The following FOLH1 variants were observed in gnomAD, a reference collection of about 807,000 sequenced individuals.
The protein encoded by FOLH1 is folate hydrolase 1.
FOLH1 carries 54 observed loss-of-function variants against 93.9 expected under a neutral mutation model. That is an observed-to-expected ratio of 0.57 (90% CI 0.46 to 0.72). The LOEUF (loss-of-function observed/expected upper bound fraction) is 0.72, where lower values mean the gene tolerates loss of function less well. Ranked by LOEUF, FOLH1 falls within the 30% of genes least tolerant of loss-of-function variation. The pLI is 0.00. For missense variants in FOLH1, 571 were observed against 892.5 expected, an observed-to-expected ratio of 0.64 and a Z score of 4.59; for synonymous variants, 249 against 303.6, an observed-to-expected ratio of 0.82 and a Z score of 1.87.
At chr11:49,161,813 G>T (rs1358026253) in intron 13 of FOLH1, among the ~76,000 whole-genome samples, 1 of 152,168 alleles carries the variant, frequency 6.6e-6, no homozygotes, top group African/African-American at 2.4e-5. Context: ...TGTTAAGACA[G>T]GTCTGGTGGT....
intron 6 of FOLH1, among the ~76,000 whole-genome samples, chr11:49,183,517 T>C (rs1861029192): frequency 1.3e-5 from 2 of 152,122 alleles, no homozygotes; most frequent in Non-Finnish European, 2.9e-5. Flanking sequence ...ATTCCACTCC[T>C]GGGTACTCTA....
intron 17 of FOLH1, among the ~76,000 whole-genome samples, chr11:49,151,922 TGAAAA>T (rs948080970): frequency 1.3e-5 from 2 of 152,160 alleles, no homozygotes; most frequent in Non-Finnish European, 2.9e-5. Context: ...TATAAAGAAT[TGAAAA>T]GAATAGGAAA....
chr11:49,199,847 G>A (rs1268385440), intron 3 of FOLH1, among the ~76,000 whole-genome samples: 3 of 151,834 alleles, frequency 2.0e-5, no homozygotes, highest in Non-Finnish European at 2.9e-5. Flanking sequence ...GGAGGTGGAG[G>A]TTGCAGTGAG....
chr11:49,205,125 A>G (rs1009638244), intron 2 of FOLH1, among the ~76,000 whole-genome samples: 2 of 152,080 alleles, frequency 1.3e-5, no homozygotes. Flanking sequence ...AATCGCTTGT[A>G]CCTGGGAGGC....
In FOLH1 at chr11:49,183,227, C is replaced by T. The variant is rs116795343; in HGVS notation, c.842G>A (p.Arg281His). 3.8e-5 allele frequency: 61 copies of T among 1,610,274 alleles called. 1 individual carries two copies. Among genetic ancestry groups the T allele is most frequent in the East Asian group, 8.9e-5 (4 of 44,808 alleles). ...AAGACCAACAGCCTCTGCAATTCCA[C>T]GCCTATAAGCATATTCTGAAAAAAA... is the stretch of plus-strand genomic sequence containing the variant. ...GYPANEYAYR[R>H]GIAEAVGLPS... The change falls in exon 7 of 19, where the codon CGT becomes CAT. Residue 281 changes from arginine (R) to histidine (H), a missense_variant. Physicochemically the swap from Arg to His is conservative, Grantham distance 29 (BLOSUM62 0). Transcript: ENST00000256999.
chr11:49,208,534 T>G lies in FOLH1; in HGVS notation c.-125A>C. The G allele has an allele frequency of 3.1e-6, 2 of 635,104 alleles. No homozygotes were observed. Among genetic ancestry groups the G allele is most frequent in the South Asian group, 4.6e-5 (2 of 43,674 alleles). The allele number at this position is 635,104 out of a possible 1,614,324, so 39.3% of individuals were successfully genotyped here. A position where few individuals can be genotyped will look rare whatever the true frequency, so the allele number is the denominator to read the frequency against. ...TCACTAATGCCTCGCTTATCAGCCC[T>G]GCAGGCTGGAATTCGCTCCAGACCT... On this transcript the variant is annotated 5_prime_UTR_variant, in exon 1 of 19. Transcript: ENST00000256999.
At chr11:49,191,628 T>C (rs1862054315) in intron 4 of FOLH1, among the ~76,000 whole-genome samples, 1 of 152,202 alleles carries the variant, frequency 6.6e-6, no homozygotes, top group South Asian at 2.1e-4. Context: ...CTAATCTAGG[T>C]GTAATTTTCT....
chr11:49,153,586 G>T (rs1017683903), intron 17 of FOLH1, among the ~76,000 whole-genome samples: 1 of 152,118 alleles, frequency 6.6e-6, no homozygotes, highest in African/African-American at 2.4e-5. Flanking sequence ...TCGAAAGTAG[G>T]TCTTTTGAGA....
chr11:49,149,565 GT>G lies in FOLH1; in HGVS notation c.1971-835del, dbSNP rs367886729. On this transcript the variant is annotated intron_variant, in intron 17 of 18. Transcript: ENST00000256999. ...CTAGTAGTCCAAATGGAATGTAACAGTTTTTTTTTAAGTTTCTATAATTCTC... is the reference window on the plus strand; with the variant it reads ...CTAGTAGTCCAAATGGAATGTAACAGTTTTTTTTAAGTTTCTATAATTCTC... 4.0e-3 allele frequency among the ~76,000 whole-genome samples: 600 copies of G among 151,510 alleles called. 5 individuals carry two copies. Among genetic ancestry groups the G allele is most frequent in the African/African-American group, 0.014 (568 of 41,306 alleles).
intron 7 of FOLH1, among the ~76,000 whole-genome samples, chr11:49,178,548 T>C (rs1590582344): frequency 6.6e-6 from 1 of 152,128 alleles, no homozygotes; most frequent in South Asian, 2.1e-4. Context: ...GAATCTAATA[T>C]ACCAATGAAA....
intron 13 of FOLH1, chr11:49,162,791 T>G (rs1263734146): frequency 7.0e-6 from 1 of 143,722 alleles, no homozygotes; most frequent in African/African-American, 2.5e-5. Flanking sequence ...TTTTCTTTTC[T>G]TTTTTTTTTT....
chr11:49,159,166 T>A (rs1857358216), intron 13 of FOLH1, among the ~76,000 whole-genome samples: 1 of 152,206 alleles, frequency 6.6e-6, no homozygotes, highest in Non-Finnish European at 1.5e-5. Flanking sequence ...TCCAATACTA[T>A]GTTGAATAGG....
intron 18 of FOLH1, among the ~76,000 whole-genome samples, 172 bp from the exon 19 acceptor site, chr11:49,147,117 G>C (rs1565120126): frequency 6.6e-6 from 1 of 152,108 alleles, no homozygotes; most frequent in Admixed American, 6.6e-5. Flanking sequence ...GAAATCTATA[G>C]TAATTAATTA....
At position 49,172,545 on chromosome 11, in the gene FOLH1, C is replaced by A. The variant is rs192083605; in HGVS notation, c.1225+812G>T. Among the ~76,000 whole-genome samples the A allele has an allele frequency of 1.5e-3, 235 of 152,090 alleles. 2 individuals carry two copies. Among genetic ancestry groups the A allele is most frequent in the Non-Finnish European group, 2.5e-3 (173 of 67,974 alleles). On this transcript the variant is annotated intron_variant, in intron 10 of 18. Transcript: ENST00000256999. Reference sequence around the variant, plus strand: ...AACATGAGAAGATAAGTAAATATGTCTTCTCCCTAGTTGCTATGACTTCAA... The same window carrying A: ...AACATGAGAAGATAAGTAAATATGTATTCTCCCTAGTTGCTATGACTTCAA...
intron 1 of FOLH1, among the ~76,000 whole-genome samples, chr11:49,207,179 C>G (rs530899255): frequency 2.0e-5 from 3 of 150,752 alleles, no homozygotes; most frequent in African/African-American, 7.3e-5. Flanking sequence ...GAAAAATGAA[C>G]AGGATGAAGA....
chr11:49,187,536 T>C (rs1404738442), intron 4 of FOLH1, among the ~76,000 whole-genome samples: 1 of 151,916 alleles, frequency 6.6e-6, no homozygotes, highest in Non-Finnish European at 1.5e-5. Flanking sequence ...ATTTATTTAC[T>C]ATTCAACATC....
rs1219498645 is a variant in FOLH1, at chr11:49,146,776, T to A, written c.2233A>T (p.Thr745Ser). The change falls in exon 19 of 19, where the codon ACT becomes TCT. Residue 745 changes from threonine to serine, a missense_variant. By Grantham distance (58) the Thr-to-Ser change is moderately conservative. Coordinates refer to ENST00000256999, the MANE Select transcript of FOLH1 (RefSeq NM_004476.3). ...AAFTVQAAAE[T>S]LSEVA ...TCCTCTTAGGCTACTTCACTCAAAG[T>A]CTCTGCAGCTGCCTGCACTGTGAAG... is the stretch of plus-strand genomic sequence containing the variant. 6.2e-7 allele frequency: 1 copy of A among 1,611,486 alleles called. No individual in the cohort carries two copies. The highest frequency in any genetic ancestry group is 8.5e-7 in the Non-Finnish European group (1 of 1,178,754).
At chr11:49,184,436 A>G (rs1861144724) in intron 6 of FOLH1, among the ~76,000 whole-genome samples, 1 of 152,216 alleles carries the variant, frequency 6.6e-6, no homozygotes, top group South Asian at 2.1e-4. Context: ...GAAACATTCC[A>G]GTTAATCTCA....
intron 13 of FOLH1, 94 bp downstream of exon 13, chr11:49,164,611 G>A (rs1327260459): frequency 2.5e-6 from 2 of 806,976 alleles, no homozygotes; most frequent in Non-Finnish European, 4.1e-6. Flanking sequence ...ATGAAGACAA[G>A]AAGTTATAAA....
Sources: gnomAD v4.1 joint callset for allele counts (sites outside exome capture counted in the v4.1 genomes callset) on GRCh38, gnomAD v4.1.1 for gene constraint, MANE v1.5 for transcripts, NCBI Gene and HGNC (gene_info 2026-07-23, HGNC 2026-07-21) for gene names.